Variants in SRGAP2B observed in about 807,000 individuals in gnomAD.
SRGAP2B encodes SLIT-ROBO Rho GTPase activating protein 2B, also known as SLIT-ROBO Rho GTPase-activating protein 2B.
Under a neutral mutation model 22.2 loss-of-function variants are expected in SRGAP2B, and 9 were observed. The observed-to-expected ratio is 0.41, with a 90% CI of 0.24 to 0.71. The LOEUF (loss-of-function observed/expected upper bound fraction) is 0.71. SRGAP2B is among the 30% of genes least tolerant of loss of function. The pLI, the probability that SRGAP2B is intolerant of heterozygous loss-of-function variation, is 0.35. For synonymous variants in SRGAP2B, 36 were observed against 87.4 expected (o/e 0.41, Z 3.28); for missense variants, 114 against 235.8 (o/e 0.48, Z 3.38).
intron 2 of SRGAP2B, among the ~76,000 whole-genome samples, chr1:145,063,006 C>A (rs1463721837): frequency 6.7e-6 from 1 of 150,186 alleles, no homozygotes; most frequent in Non-Finnish European, 1.5e-5. Context: ...GACTTACTTG[C>A]GTTCTAAACT....
chr1:145,068,356 T>C (rs1651737722), intron 2 of SRGAP2B, among the ~76,000 whole-genome samples: 1 of 136,492 alleles, frequency 7.3e-6, no homozygotes, highest in Non-Finnish European at 1.6e-5. Flanking sequence ...GAATTAGTGA[T>C]TGAATGAATG....
chr1:144,958,379 T>C (rs1553610743), intron 3 of SRGAP2B, among the ~76,000 whole-genome samples: 1 of 150,506 alleles, frequency 6.6e-6, no homozygotes, highest in East Asian at 1.9e-4. Flanking sequence ...ATTGAGAACT[T>C]GTAAGGTGTG....
chr1:144,943,945 G>T (rs1553607912), intron 4 of SRGAP2B, among the ~76,000 whole-genome samples: 1 of 150,532 alleles, frequency 6.6e-6, no homozygotes, highest in African/African-American at 2.5e-5. Flanking sequence ...GGCATTCAAA[G>T]CCTGCCAAGT....
rs1350197912 is a variant in SRGAP2B at position 144,928,484 on chromosome 1, CTGGAGTGCAG to C, written c.424-13740_424-13731del. The stretch of plus-strand genomic sequence containing the variant: ...ATGGAGTCTCGCTCTGTCGCCCAGG[CTGGAGTGCAG>C]TGGCGCGATCTCTGCTCACTGCAAG... On this transcript the variant is annotated intron_variant, in intron 4 of 9. Transcript: ENST00000612199. Among the ~76,000 whole-genome samples the C allele has an allele frequency of 2.2e-5, 3 of 133,454 alleles. No homozygotes were observed. In the East Asian group the frequency reaches 6.4e-4, roughly 28 times the overall value. 87.6% of individuals were successfully genotyped at this position (133,454 alleles called of 152,430 possible). A position where few individuals can be genotyped will look rare whatever the true frequency, so the allele number is the denominator to read the frequency against.
intron 3 of SRGAP2B, among the ~76,000 whole-genome samples, chr1:144,956,472 A>G (rs1667276398): frequency 8.5e-6 from 1 of 117,468 alleles, no homozygotes; most frequent in Non-Finnish European, 1.7e-5. Context: ...TTTTGAGACA[A>G]AGTCTCACTC....
At chr1:145,063,577 A>G in intron 2 of SRGAP2B, among the ~76,000 whole-genome samples, 1 of 150,684 alleles carries the variant, frequency 6.6e-6, no homozygotes, top group East Asian at 1.9e-4. Flanking sequence ...TAGAAAGGGA[A>G]GATACAAGCT....
chr1:145,089,072 G>A (rs1553635932), intron 2 of SRGAP2B, among the ~76,000 whole-genome samples: 1 of 151,148 alleles, frequency 6.6e-6, no homozygotes. Flanking sequence ...TGTGTACATA[G>A]GTTATACGTA....
chr1:144,973,095 G>T (rs1235209098), intron 3 of SRGAP2B, among the ~76,000 whole-genome samples: 1 of 146,936 alleles, frequency 6.8e-6, no homozygotes, highest in East Asian at 2.0e-4. Flanking sequence ...GTGAAAGAGT[G>T]AGACCCCATC....
At chr1:144,994,216 AT>A (rs1389510828) in intron 3 of SRGAP2B, among the ~76,000 whole-genome samples, 1 of 133,138 alleles carries the variant, frequency 7.5e-6, no homozygotes, top group African/African-American at 2.9e-5. Context: ...AGATTTCTGT[AT>A]TTTTTTTAAA....
intron 4 of SRGAP2B, among the ~76,000 whole-genome samples, chr1:144,917,626 G>A (rs1332852570): frequency 2.9e-4 from 41 of 142,290 alleles, no homozygotes; most frequent in Non-Finnish European, 5.5e-4. Flanking sequence ...ATGTACTGAT[G>A]AGTTGGGAGG....
chr1:144,986,359 C>T lies in SRGAP2B; in HGVS notation c.260+8649G>A, dbSNP rs1316651929. Among the ~76,000 whole-genome samples the T allele has an allele frequency of 9.5e-5, 13 of 136,632 alleles. 1 individual carries two copies. Among genetic ancestry groups the T allele is most frequent in the Middle Eastern group, 7.5e-3 (2 of 268 alleles). 89.6% of individuals were successfully genotyped at this position (136,632 alleles called of 152,430 possible). A position where few individuals can be genotyped will look rare whatever the true frequency, so the allele number is the denominator to read the frequency against. Reference sequence around the variant, plus strand: ...GCTAGCCCAACAGCTGCTACAGCTCCGGGGGAGGTGATGAGTGCCCACTGA... The same window carrying T: ...GCTAGCCCAACAGCTGCTACAGCTCTGGGGGAGGTGATGAGTGCCCACTGA... On this transcript the variant is annotated intron_variant, in intron 3 of 9. Transcript: ENST00000612199.
intron 2 of SRGAP2B, among the ~76,000 whole-genome samples, chr1:145,007,781 G>A (rs1381265495): frequency 1.4e-5 from 2 of 148,040 alleles, no homozygotes; most frequent in African/African-American, 2.6e-5. Context: ...TATACTGTAA[G>A]CACTACATAC....
At chr1:144,924,890 GTGA>G (rs1664546504) in intron 4 of SRGAP2B, among the ~76,000 whole-genome samples, 1 of 149,312 alleles carries the variant, frequency 6.7e-6, no homozygotes, top group Non-Finnish European at 1.5e-5. Flanking sequence ...TCTCATTAGG[GTGA>G]TGATTTATCT....
At chr1:144,971,200 G>A (rs1249460999) in intron 3 of SRGAP2B, among the ~76,000 whole-genome samples, 9 of 146,920 alleles carry the variant, frequency 6.1e-5, no homozygotes, top group East Asian at 4.0e-4. Flanking sequence ...GTGCGATCTC[G>A]GCTCACCGCA....
At chr1:145,040,846 T>A (rs1302549948) in intron 2 of SRGAP2B, among the ~76,000 whole-genome samples, 1 of 148,336 alleles carries the variant, frequency 6.7e-6, no homozygotes, top group African/African-American at 2.5e-5. Flanking sequence ...CCTGTTCACA[T>A]CTTAGGTCCC....
intron 4 of SRGAP2B, among the ~76,000 whole-genome samples, chr1:144,932,388 G>A (rs1285900877): frequency 3.3e-5 from 5 of 151,076 alleles, no homozygotes; most frequent in African/African-American, 1.2e-4. Flanking sequence ...ATTTAATCAA[G>A]ATGTCCTTCT....
intron 4 of SRGAP2B, among the ~76,000 whole-genome samples, chr1:144,953,773 G>T (rs1295065555): frequency 1.3e-4 from 20 of 150,458 alleles, no homozygotes; most frequent in African/African-American, 4.2e-4. Context: ...ACCTTCTAAG[G>T]CTTGGTAAAA....
chr1:144,965,938 G>GA (rs782674857), intron 3 of SRGAP2B, among the ~76,000 whole-genome samples: 42 of 150,358 alleles, frequency 2.8e-4, no homozygotes, highest in African/African-American at 9.0e-4. Context: ...GAAGTTTAGA[G>GA]AAAAAAAGAA....
chr1:144,998,813 T>C (rs1670896577), intron 2 of SRGAP2B, among the ~76,000 whole-genome samples: 1 of 150,904 alleles, frequency 6.6e-6, no homozygotes, highest in Non-Finnish European at 1.5e-5. Context: ...TGTGCTGCCT[T>C]AGGCGCTGCT....
Sources: allele counts gnomAD v4.1 joint callset (sites outside exome capture counted in the v4.1 genomes callset), GRCh38; gene constraint gnomAD v4.1.1; transcripts MANE v1.5; gene names NCBI Gene and HGNC (gene_info 2026-07-23, HGNC 2026-07-21).